MBD2: variants seen among roughly 807,000 people sequenced by gnomAD.
MBD2 encodes the protein methyl-CpG-binding domain protein 2.
A neutral mutation model predicts 39.3 loss-of-function variants in MBD2; 9 were observed. That is an observed-to-expected ratio of 0.23 (90% CI 0.14 to 0.40). The LOEUF (loss-of-function observed/expected upper bound fraction) is 0.40. Ranked by LOEUF, MBD2 falls within the 10% of genes least tolerant of loss-of-function variation. The probability of loss-of-function intolerance (pLI) is 1.00; values close to 1 mark genes in which losing one functional copy is unlikely to be tolerated. For synonymous variants in MBD2, 233 were observed against 211.1 expected, an observed-to-expected ratio of 1.10 and a Z score of -0.90; for missense variants, 458 against 532.6, an observed-to-expected ratio of 0.86 and a Z score of 1.38.
At chr18:54,208,484 C>T (rs1262576506) in intron 1 of MBD2, among the ~76,000 whole-genome samples, 1 of 152,194 alleles carries the variant, frequency 6.6e-6, no homozygotes, top group Admixed American at 6.5e-5. Context: ...GAGCAAAACT[C>T]TGTCTCAATA....
chr18:54,168,909 T>C (rs2086157899), intron 3 of MBD2, among the ~76,000 whole-genome samples: 1 of 152,026 alleles, frequency 6.6e-6, no homozygotes, highest in African/African-American at 2.4e-5. Context: ...ATCCATCTTC[T>C]CAGATCCCTG....
At chr18:54,201,144 C>T (rs184645620) in intron 2 of MBD2, among the ~76,000 whole-genome samples, 10 of 152,228 alleles carry the variant, frequency 6.6e-5, no homozygotes, top group African/African-American at 2.4e-4. Context: ...TCAACAGCCA[C>T]CTGTGGCTGA....
chr18:54,176,298 TA>T (rs1405564555), intron 3 of MBD2, among the ~76,000 whole-genome samples: 20 of 152,382 alleles, frequency 1.3e-4, no homozygotes, highest in African/African-American at 4.6e-4. Flanking sequence ...TTTTCACTAG[TA>T]AACTAGAAGT....
intron 1 of MBD2, among the ~76,000 whole-genome samples, chr18:54,212,564 CTA>C (rs1253282880): frequency 1.6e-4 from 24 of 152,068 alleles, no homozygotes; most frequent in Admixed American, 1.5e-3. Context: ...ATAAGATTGA[CTA>C]TGTGTTGACA....
In MBD2 at chr18:54,152,869, G is replaced by T. The variant is rs1032849889; in HGVS notation, c.*2455C>A. 2.6e-5 allele frequency: 4 copies of T among 152,218 alleles called. No individual in the cohort carries two copies. The highest frequency in any genetic ancestry group is 9.7e-5 in the African/African-American group (4 of 41,446). 9.4% of individuals were successfully genotyped at this position (152,218 alleles called of 1,614,324 possible). Reference sequence around the variant, plus strand: ...TTCACTGAGGAGGGACAGGCTCAAAGAGATTAAATAACCTGACAAGTCACA... The same window carrying T: ...TTCACTGAGGAGGGACAGGCTCAAATAGATTAAATAACCTGACAAGTCACA... On this transcript the variant is annotated 3_prime_UTR_variant, in exon 7 of 7. Coordinates refer to ENST00000256429, the MANE Select transcript of MBD2 (RefSeq NM_003927.5).
At chr18:54,196,787 C>T (rs771280211) in intron 2 of MBD2, among the ~76,000 whole-genome samples, 1 of 152,172 alleles carries the variant, frequency 6.6e-6, no homozygotes, top group East Asian at 1.9e-4. Flanking sequence ...CGCTTAGACA[C>T]ATTTGAAGCA....
chr18:54,223,568 C>A (rs970161332), intron 1 of MBD2, among the ~76,000 whole-genome samples: 1 of 152,172 alleles, frequency 6.6e-6, no homozygotes. Context: ...CTGCTTTATA[C>A]AAAACTTTCT....
rs2086023665 is a variant in MBD2 at position 54,151,850 on chromosome 18, C to CA, written c.*3473_*3474insT. ...TAGACCAAAAAAAAAAAAAAAAACA[C>CA]CCTGGAAGCCACCAAGGGCATTTCT... On this transcript the variant is annotated 3_prime_UTR_variant, in exon 7 of 7. Coordinates refer to ENST00000256429, the MANE Select transcript of MBD2 (RefSeq NM_003927.5). 7.2e-6 allele frequency: 1 copy of CA among 138,258 alleles called. No individual in the cohort carries two copies. Among genetic ancestry groups the CA allele is most frequent in the Non-Finnish European group, 1.6e-5 (1 of 63,874 alleles). 8.6% of individuals were successfully genotyped at this position (138,258 alleles called of 1,614,324 possible).
chr18:54,195,605 ATGC>A (rs1220802181), intron 2 of MBD2, among the ~76,000 whole-genome samples: 1 of 152,114 alleles, frequency 6.6e-6, no homozygotes, highest in Non-Finnish European at 1.5e-5. Flanking sequence ...AATGCATGTT[ATGC>A]TGCTGCTGCT....
chr18:54,165,482 A>C (rs1277189974), intron 4 of MBD2, among the ~76,000 whole-genome samples: 1 of 152,216 alleles, frequency 6.6e-6, no homozygotes, highest in East Asian at 1.9e-4. Flanking sequence ...CAAGCTTTAG[A>C]AGCCAAAGTT....
intron 5 of MBD2, among the ~76,000 whole-genome samples, chr18:54,162,584 A>G (rs1599074770): frequency 6.6e-6 from 1 of 152,234 alleles, no homozygotes; most frequent in East Asian, 1.9e-4. Flanking sequence ...TGTTGAAGCC[A>G]CCAACATTCC....
intron 1 of MBD2, among the ~76,000 whole-genome samples, chr18:54,220,499 G>A (rs1206642178): frequency 6.6e-6 from 1 of 152,186 alleles, no homozygotes; most frequent in Non-Finnish European, 1.5e-5. Context: ...CTTAATTTCA[G>A]TCCAATTAAT....
At chr18:54,180,781 TAA>T (rs1156928496) in intron 3 of MBD2, among the ~76,000 whole-genome samples, 1 of 151,238 alleles carries the variant, frequency 6.6e-6, no homozygotes, top group Non-Finnish European at 1.5e-5. Flanking sequence ...CTTAGAGAAA[TAA>T]AAAAAGTTCA....
intron 1 of MBD2, among the ~76,000 whole-genome samples, chr18:54,221,212 C>G (rs1776625167): frequency 6.6e-6 from 1 of 152,164 alleles, no homozygotes; most frequent in Non-Finnish European, 1.5e-5. Context: ...AATCCCAGCA[C>G]TTTGGGAGGC....
chr18:54,191,468 C>A (rs779229456), intron 2 of MBD2, among the ~76,000 whole-genome samples: 19 of 152,182 alleles, frequency 1.2e-4, no homozygotes, highest in South Asian at 2.1e-4. Flanking sequence ...ATTCTAGCTT[C>A]TCTTAAAAAC....
intron 3 of MBD2, among the ~76,000 whole-genome samples, chr18:54,181,595 G>C (rs4940312): frequency 0.3 from 46,083 of 151,802 alleles, 8,171 homozygotes; most frequent in East Asian, 0.56. Context: ...CACCTCCCAG[G>C]TTCAGGCAAT....
chr18:54,177,803 C>G (rs1443682229), intron 3 of MBD2, among the ~76,000 whole-genome samples: 2 of 148,420 alleles, frequency 1.3e-5, no homozygotes, highest in Non-Finnish European at 3.0e-5. Flanking sequence ...AGGACACTAA[C>G]AGGCACTATT....
intron 2 of MBD2, among the ~76,000 whole-genome samples, chr18:54,200,044 T>A (rs544809212): frequency 2.6e-4 from 40 of 152,206 alleles, no homozygotes; most frequent in Non-Finnish European, 5.1e-4. Context: ...AGTGTGTATT[T>A]ATACTCACAA....
At chr18:54,173,294 A>G (rs1484518950) in intron 3 of MBD2, among the ~76,000 whole-genome samples, 1 of 152,264 alleles carries the variant, frequency 6.6e-6, no homozygotes, top group East Asian at 1.9e-4. Context: ...ACAAATTAAA[A>G]ATGTGAGGCC....
Sources: allele counts gnomAD v4.1 joint callset (sites outside exome capture counted in the v4.1 genomes callset), GRCh38; gene constraint gnomAD v4.1.1; transcripts MANE v1.5; gene names NCBI Gene and HGNC (gene_info 2026-07-23, HGNC 2026-07-21).